SLC44A1: variants seen among roughly 807,000 people sequenced by gnomAD.
The protein encoded by SLC44A1 is choline transporter-like protein 1.
Under a neutral mutation model 79.3 loss-of-function variants are expected in SLC44A1, and 26 were observed. The observed-to-expected ratio is 0.33, with a 90% confidence interval of 0.24 to 0.46. The LOEUF (loss-of-function observed/expected upper bound fraction) is 0.46. Among genes scored for constraint, SLC44A1 ranks in the 20% least tolerant of loss-of-function variants. The pLI is 1.00. For missense variants in SLC44A1, 688 were observed against 798.1 expected, an observed-to-expected ratio of 0.86 and a Z score of 1.66; for synonymous variants, 263 against 286.2, an observed-to-expected ratio of 0.92 and a Z score of 0.82.
At chr9:105,430,059 G>A (rs1281410024) in intron 15 of SLC44A1, among the ~76,000 whole-genome samples, 6 of 151,964 alleles carry the variant, frequency 3.9e-5, no homozygotes, top group East Asian at 1.9e-4. Context: ...GGCATGTGCC[G>A]CCAATGCCCG....
intron 3 of SLC44A1, among the ~76,000 whole-genome samples, chr9:105,313,859 A>G (rs1319343549): frequency 6.6e-6 from 1 of 151,888 alleles, no homozygotes; most frequent in African/African-American, 2.4e-5. Context: ...CCTGGGTTCA[A>G]GTGATTCTCC....
At chr9:105,372,927 G>A (rs1828155844) in intron 12 of SLC44A1, among the ~76,000 whole-genome samples, 1 of 148,442 alleles carries the variant, frequency 6.7e-6, no homozygotes, top group African/African-American at 2.5e-5. Flanking sequence ...TCCAGCCTGG[G>A]CGACAGAGCG....
chr9:105,341,038 TA>T (rs1827071042), intron 4 of SLC44A1, among the ~76,000 whole-genome samples: 2 of 152,008 alleles, frequency 1.3e-5, no homozygotes, highest in Non-Finnish European at 2.9e-5. Context: ...CAGACAAATA[TA>T]AAAATGTGAG....
At chr9:105,336,003 T>C (rs1826906286) in intron 4 of SLC44A1, among the ~76,000 whole-genome samples, 1 of 152,198 alleles carries the variant, frequency 6.6e-6, no homozygotes, top group South Asian at 2.1e-4. Flanking sequence ...TAAACCACTC[T>C]ATGTAAAATT....
In SLC44A1 at chr9:105,335,625, C is replaced by T. The variant is rs765076385; in HGVS notation, c.332C>T (p.Ala111Val). 48 of 1,613,298 alleles carry T rather than the reference C, an allele frequency of 3.0e-5. No homozygotes were observed. The highest frequency in any genetic ancestry group is 3.9e-5 in the Non-Finnish European group (46 of 1,179,448). ...DLINRKIKSV[A>V]LCVAACPRQE... is the part of the protein sequence containing the mutation. ...ATAAACCGGAAGATTAAGTCTGTAG[C>T]ACTGTGTGTAGCAGCGTGTCCAAGG... The change falls in exon 4 of 16, where the codon GCA becomes GTA. Residue 111 changes from alanine to valine, a missense_variant. Transcript: ENST00000374720.
At chr9:105,313,429 G>A (rs1564431090) in intron 3 of SLC44A1, among the ~76,000 whole-genome samples, 1 of 149,542 alleles carries the variant, frequency 6.7e-6, no homozygotes, top group Non-Finnish European at 1.5e-5. Context: ...TTCAGCCACA[G>A]AGTCTCTCAT....
chr9:105,436,483 A>T (rs914502263), intron 15 of SLC44A1, among the ~76,000 whole-genome samples: 2 of 152,180 alleles, frequency 1.3e-5, no homozygotes, highest in East Asian at 3.8e-4. Context: ...GAGGAGGCTG[A>T]AGTGGGAGGA....
chr9:105,423,642 A>C (rs1173768124), intron 15 of SLC44A1, among the ~76,000 whole-genome samples: 2 of 152,208 alleles, frequency 1.3e-5, no homozygotes, highest in Non-Finnish European at 2.9e-5. Flanking sequence ...AATGAATTAT[A>C]ATACATCTAA....
At chr9:105,261,157 T>C (rs1275662586) in intron 1 of SLC44A1, among the ~76,000 whole-genome samples, 2 of 152,200 alleles carry the variant, frequency 1.3e-5, no homozygotes, top group Non-Finnish European at 1.5e-5. Flanking sequence ...TAGGTTATAA[T>C]GAAGTCTTGG....
intron 3 of SLC44A1, among the ~76,000 whole-genome samples, chr9:105,324,230 C>T (rs547300708): frequency 1.3e-5 from 2 of 150,258 alleles, no homozygotes; most frequent in African/African-American, 4.9e-5. Context: ...GGATTACAGG[C>T]GTGATTCACC....
intron 2 of SLC44A1, among the ~76,000 whole-genome samples, chr9:105,305,985 G>A (rs1831021280): frequency 1.3e-5 from 2 of 151,822 alleles, no homozygotes; most frequent in Admixed American, 1.3e-4. Flanking sequence ...CACTTAGGCA[G>A]TTGGTACTTA....
At position 105,390,773 on chromosome 9, in the gene SLC44A1, A is replaced by G. The variant is rs1828746196; in HGVS notation, c.*1717A>G. On this transcript the variant is annotated 3_prime_UTR_variant, in exon 16 of 16. Coordinates refer to ENST00000374720, the MANE Select transcript of SLC44A1 (RefSeq NM_080546.5). ...CAGAATATTTGCAATAAGAGTCTGG[A>G]TTTTAAAAAACACATGCATACACAC... 1.0e-6 allele frequency: 1 copy of G among 985,326 alleles called. No homozygotes were observed. Among genetic ancestry groups the G allele is most frequent in the African/African-American group, 1.7e-5 (1 of 57,188 alleles). 61.0% of individuals were successfully genotyped at this position (985,326 alleles called of 1,614,324 possible).
At chr9:105,354,983 C>T (rs1827576786) in intron 5 of SLC44A1, among the ~76,000 whole-genome samples, 1 of 152,172 alleles carries the variant, frequency 6.6e-6, no homozygotes, top group African/African-American at 2.4e-5. Context: ...CTGAGGAACA[C>T]ATTTGTATCA....
intron 2 of SLC44A1, among the ~76,000 whole-genome samples, chr9:105,301,587 A>G (rs1830881490): frequency 1.3e-5 from 2 of 152,298 alleles, no homozygotes; most frequent in African/African-American, 2.4e-5. Context: ...ATTTCATTCT[A>G]TAGTACTTTT....
chr9:105,418,954 T>A (rs906440054), intron 15 of SLC44A1, among the ~76,000 whole-genome samples: 1 of 152,220 alleles, frequency 6.6e-6, no homozygotes, highest in Non-Finnish European at 1.5e-5. Flanking sequence ...CTTCATTGCA[T>A]GTAGTTTGCT....
At chr9:105,249,771 A>G (rs7026389) in intron 1 of SLC44A1, among the ~76,000 whole-genome samples, 6,142 of 150,844 alleles carry the variant, frequency 0.041, 426 homozygotes, top group African/African-American at 0.14. Context: ...CTGACCTCAG[A>G]TGATCCACCC....
chr9:105,283,975 C>T (rs1830418224), intron 1 of SLC44A1, among the ~76,000 whole-genome samples: 1 of 152,132 alleles, frequency 6.6e-6, no homozygotes, highest in Non-Finnish European at 1.5e-5. Context: ...CATGGTGCAG[C>T]CTCAGTTCAG....
At chr9:105,325,701 C>A (rs1184398288) in intron 3 of SLC44A1, among the ~76,000 whole-genome samples, 1 of 152,180 alleles carries the variant, frequency 6.6e-6, no homozygotes, top group African/African-American at 2.4e-5. Flanking sequence ...TCAATACTGC[C>A]ACACTGGGGA....
intron 15 of SLC44A1, chr9:105,386,636 C>G (rs1351746220): frequency 6.8e-6 from 1 of 146,596 alleles, no homozygotes; most frequent in African/African-American, 3.1e-5. Context: ...TGGCCCAAGA[C>G]AATTCTTCTT....
Sources: allele counts gnomAD v4.1 joint callset (sites outside exome capture counted in the v4.1 genomes callset), GRCh38; gene constraint gnomAD v4.1.1; transcripts MANE v1.5; gene names NCBI Gene and HGNC (gene_info 2026-07-23, HGNC 2026-07-21).